NRXN1: variants seen among roughly 807,000 people sequenced by gnomAD.
The protein encoded by NRXN1 is neurexin 1.
NRXN1 carries 39 observed loss-of-function variants against 150.9 expected under a neutral mutation model. The observed-to-expected ratio is 0.26, with a 90% confidence interval of 0.20 to 0.34. NRXN1 has a LOEUF of 0.34. Among genes scored for constraint, NRXN1 ranks in the 10% least tolerant of loss-of-function variants. The pLI, the probability that NRXN1 is intolerant of heterozygous loss-of-function variation, is 1.00. For missense variants in NRXN1, 1,815 were observed against 1,949.9 expected (o/e 0.93, Z 1.30); for synonymous variants, 924 against 757.0 (o/e 1.22, Z -3.62).
At position 49,953,861 on chromosome 2, in the gene NRXN1, T is replaced by G. The variant is rs1558573479; in HGVS notation, c.4129-10070A>C. Among the ~76,000 whole-genome samples the G allele has an allele frequency of 2.6e-5, 4 of 151,724 alleles. No homozygotes were observed. In the South Asian group the frequency reaches 8.3e-4, roughly 32 times the overall value. The stretch of plus-strand genomic sequence containing the variant: ...TCACACACCACAGCCTGTCAGGGTG[T>G]GGGGGACAAGGGGAGGGAGAGCCTT... On this transcript the variant is annotated intron_variant, in intron 21 of 22. Transcript: ENST00000401669.
rs142129173 is a variant in NRXN1, at chr2:50,911,854, A to G, written c.832+10015T>C. Among the ~76,000 whole-genome samples, 1,306 of 152,030 alleles carry G rather than the reference A, an allele frequency of 8.6e-3. 17 individuals are homozygous for G. The highest frequency in any genetic ancestry group is 0.03 in the African/African-American group (1,238 of 41,522). ...ACTCTACACAATGAAAATTTTAATG[A>G]CCTTTACAACAAGATTTGAAAGAGC... is the stretch of plus-strand genomic sequence containing the variant. On this transcript the variant is annotated intron_variant, in intron 5 of 22. Coordinates refer to ENST00000401669, the MANE Select transcript of NRXN1 (RefSeq NM_001330078.2).
chr2:50,251,018 A>ATTG (rs2067006132), intron 17 of NRXN1, among the ~76,000 whole-genome samples: 1 of 117,360 alleles, frequency 8.5e-6, no homozygotes, highest in Non-Finnish European at 1.8e-5. Flanking sequence ...GTGTAATATT[A>ATTG]CATATTGTAT....
In NRXN1 at chr2:50,196,506, A is replaced by G. The variant is rs539705253; in HGVS notation, c.3546+40283T>C. On this transcript the variant is annotated intron_variant, in intron 18 of 22. Coordinates refer to ENST00000401669, the MANE Select transcript of NRXN1 (RefSeq NM_001330078.2). ...TGATTTCCCATGTTTTCTTTCTACC[A>G]TGCACCATCCTTATCATTAAGGAAC... Among the ~76,000 whole-genome samples, 27 of 152,198 alleles carry G rather than the reference A, an allele frequency of 1.8e-4. No homozygotes were observed. The East Asian group carries it at 5.2e-3, about 29-fold the overall frequency.
chr2:49,976,821 G>A (rs1413463659), intron 21 of NRXN1, among the ~76,000 whole-genome samples: 1 of 152,136 alleles, frequency 6.6e-6, no homozygotes, highest in Non-Finnish European at 1.5e-5. Flanking sequence ...TTCCAGGAAC[G>A]AATGTAAAAG....
Position 50,795,363 on chromosome 2 carries a change from C to T in NRXN1, c.832+126506G>A, listed in dbSNP as rs966339953. ...TCAGTAATCTGTATGTGCTCTTAAC[C>T]ACTGTGTCAGCGGCATCAGTTTATT... is the stretch of plus-strand genomic sequence containing the variant. On this transcript the variant is annotated intron_variant, in intron 5 of 22. Transcript: ENST00000401669. 7.2e-5 allele frequency among the ~76,000 whole-genome samples: 11 copies of T among 152,050 alleles called. No individual in the cohort carries two copies. The East Asian group carries it at 2.1e-3, about 29-fold the overall frequency.
At chr2:50,784,253 T>C (rs1340257834) in intron 5 of NRXN1, among the ~76,000 whole-genome samples, 1 of 152,110 alleles carries the variant, frequency 6.6e-6, no homozygotes, top group Non-Finnish European at 1.5e-5. Flanking sequence ...ACTTTGCTTG[T>C]TACACTTTTA....
chr2:50,863,339 C>T (rs1676407396), intron 5 of NRXN1, among the ~76,000 whole-genome samples: 1 of 152,048 alleles, frequency 6.6e-6, no homozygotes, highest in Admixed American at 6.6e-5. Flanking sequence ...CAGGTCTGGA[C>T]TGCTTCCTGA....
At chr2:50,188,879 G>A (rs866201955) in intron 18 of NRXN1, among the ~76,000 whole-genome samples, 2 of 152,286 alleles carry the variant, frequency 1.3e-5, no homozygotes, top group Middle Eastern at 3.4e-3. Context: ...AGATGCTGGA[G>A]AGGATGTGGA....
chr2:50,779,923 G>C (rs1215253527), intron 5 of NRXN1, among the ~76,000 whole-genome samples: 1 of 152,046 alleles, frequency 6.6e-6, no homozygotes, highest in Non-Finnish European at 1.5e-5. Flanking sequence ...TCTGATTCTA[G>C]ATCCCTGAGG....
chr2:50,582,982 T>C (rs1573643132), intron 8 of NRXN1, among the ~76,000 whole-genome samples: 1 of 138,828 alleles, frequency 7.2e-6, no homozygotes. Flanking sequence ...TCTCCCTCTC[T>C]TTCTTCTCTC....
chr2:50,487,394 A>G (rs1252226406), intron 15 of NRXN1, among the ~76,000 whole-genome samples: 1 of 152,244 alleles, frequency 6.6e-6, no homozygotes, highest in African/African-American at 2.4e-5. Flanking sequence ...GAATGGACAC[A>G]GAAAACCACA....
chr2:50,316,122 CTTAG>C (rs1244833715), intron 17 of NRXN1, among the ~76,000 whole-genome samples: 2 of 152,014 alleles, frequency 1.3e-5, no homozygotes, highest in East Asian at 1.9e-4. Context: ...GAGCTCTTAT[CTTAG>C]TTAGAAGCTT....
At position 50,297,092 on chromosome 2, in the gene NRXN1, T is replaced by C. The variant is rs375059365; in HGVS notation, c.3365-60122A>G. ...TTTTTAGTAGAGATGGGTTTCACCA[T>C]AATGGTCAGGCTGGTCTCAAACTCC... On this transcript the variant is annotated intron_variant, in intron 17 of 22. Coordinates refer to ENST00000401669, the MANE Select transcript of NRXN1 (RefSeq NM_001330078.2). Among the ~76,000 whole-genome samples, 304 of 151,920 alleles carry C rather than the reference T, an allele frequency of 2.0e-3. 1 individual carries two copies. The highest frequency in any genetic ancestry group is 7.1e-3 in the African/African-American group (293 of 41,426).
At chr2:50,415,657 A>G (rs774074595) in intron 17 of NRXN1, among the ~76,000 whole-genome samples, 4 of 152,148 alleles carry the variant, frequency 2.6e-5, no homozygotes, top group Non-Finnish European at 4.4e-5. Context: ...TTGTTTTAAC[A>G]TAAAATCAGC....
chr2:51,006,719 A>C (rs377073226), intron 2 of NRXN1, among the ~76,000 whole-genome samples: 62 of 151,998 alleles, frequency 4.1e-4, no homozygotes, highest in African/African-American at 9.6e-4. Context: ...CCACTTTTCA[A>C]CATCTTGCCT....
chr2:50,899,680 G>C (rs1682613593), intron 5 of NRXN1, among the ~76,000 whole-genome samples: 1 of 152,144 alleles, frequency 6.6e-6, no homozygotes, highest in Non-Finnish European at 1.5e-5. Context: ...AAAGTCTGTA[G>C]AAAGACAAGC....
intron 17 of NRXN1, among the ~76,000 whole-genome samples, chr2:50,433,720 G>A (rs894838523): frequency 5.3e-5 from 8 of 151,734 alleles, no homozygotes; most frequent in African/African-American, 1.9e-4. Flanking sequence ...GAAGGAGTTG[G>A]GGAGGGAGGG....
intron 17 of NRXN1, among the ~76,000 whole-genome samples, chr2:50,379,966 C>T (rs563590272): frequency 1.3e-5 from 2 of 151,978 alleles, no homozygotes; most frequent in Non-Finnish European, 2.9e-5. Flanking sequence ...CAATCCTGAT[C>T]ACAGATTTAT....
chr2:50,317,439 A>T (rs1035779698), intron 17 of NRXN1, among the ~76,000 whole-genome samples: 2 of 152,006 alleles, frequency 1.3e-5, no homozygotes, highest in African/African-American at 4.8e-5. Flanking sequence ...AACACTTACA[A>T]TGGAAGCTAG....
Sources: gnomAD v4.1 joint callset for allele counts (sites outside exome capture counted in the v4.1 genomes callset) on GRCh38, gnomAD v4.1.1 for gene constraint, MANE v1.5 for transcripts, NCBI Gene and HGNC (gene_info 2026-07-23, HGNC 2026-07-21) for gene names.